The following KIAA1217 variants were observed in gnomAD, a reference collection of about 807,000 sequenced individuals.
The protein encoded by KIAA1217 is KIAA1217, also known as sickle tail protein homolog.
In KIAA1217, 88 loss-of-function variants were observed where a neutral mutation model predicts 163.9. The observed-to-expected ratio is 0.54, with a 90% CI of 0.45 to 0.64. The LOEUF (loss-of-function observed/expected upper bound fraction) is 0.64, where lower values mean the gene tolerates loss of function less well. KIAA1217 is among the 30% of genes least tolerant of loss of function. The probability of loss-of-function intolerance (pLI) is 0.00; values close to 1 mark genes in which losing one functional copy is unlikely to be tolerated. For synonymous variants in KIAA1217, 903 were observed against 923.1 expected (o/e 0.98, Z 0.39); for missense variants, 2,372 against 2,475.0 (o/e 0.96, Z 0.88).
chr10:24,450,240 T>C (rs901938939), intron 5 of KIAA1217, among the ~76,000 whole-genome samples: 4 of 152,236 alleles, frequency 2.6e-5, no homozygotes, highest in Non-Finnish European at 5.9e-5. Flanking sequence ...AATTATTTGG[T>C]GTTTTGTTCT....
chr10:24,542,281 CAG>C (rs1279196055), intron 17 of KIAA1217: 3 of 192,306 alleles, frequency 1.6e-5, no homozygotes, highest in African/African-American at 7.0e-5. Flanking sequence ...TAAAGTAACA[CAG>C]TTTAGTGGCA....
At chr10:24,180,396 C>T (rs2066119051) in intron 2 of KIAA1217, among the ~76,000 whole-genome samples, 1 of 150,580 alleles carries the variant, frequency 6.6e-6, no homozygotes, top group Non-Finnish European at 1.5e-5. Context: ...AAGCAATTCT[C>T]CTGCCTCAGC....
intron 3 of KIAA1217, among the ~76,000 whole-genome samples, chr10:24,416,457 A>C (rs974744976): frequency 6.6e-6 from 1 of 152,196 alleles, no homozygotes; most frequent in Non-Finnish European, 1.5e-5. Flanking sequence ...GACGCTTGGG[A>C]AACACCCCTT....
At chr10:24,471,693 G>A (rs1439420259) in intron 5 of KIAA1217, among the ~76,000 whole-genome samples, 3 of 151,958 alleles carry the variant, frequency 2.0e-5, no homozygotes, top group African/African-American at 7.3e-5. Flanking sequence ...GACTAGCCGG[G>A]CCAACATGGA....
At chr10:24,175,844 C>A (rs1773885015) in intron 2 of KIAA1217, among the ~76,000 whole-genome samples, 2 of 152,236 alleles carry the variant, frequency 1.3e-5, no homozygotes, top group Middle Eastern at 3.4e-3. Context: ...TCATGCCTCC[C>A]AGTGGGTTCA....
intron 2 of KIAA1217, among the ~76,000 whole-genome samples, chr10:24,030,192 T>C (rs1034662612): frequency 7.2e-5 from 11 of 152,204 alleles, no homozygotes; most frequent in African/African-American, 2.7e-4. Flanking sequence ...ATTGTGCAGT[T>C]CTATGGCATT....
At chr10:24,201,773 T>A (rs1589880038) in intron 2 of KIAA1217, among the ~76,000 whole-genome samples, 1 of 152,132 alleles carries the variant, frequency 6.6e-6, no homozygotes, top group South Asian at 2.1e-4. Flanking sequence ...ATACTTAACT[T>A]CTGAAGCACG....
chr10:24,117,500 T>C (rs561476001), intron 2 of KIAA1217, among the ~76,000 whole-genome samples: 77 of 151,980 alleles, frequency 5.1e-4, no homozygotes, highest in African/African-American at 1.9e-3. Context: ...GTGTGGTGAG[T>C]GTGCCTGTAG....
intron 5 of KIAA1217, among the ~76,000 whole-genome samples, chr10:24,451,737 T>TG (rs1485663413): frequency 1.3e-5 from 2 of 152,240 alleles, no homozygotes; most frequent in African/African-American, 4.8e-5. Context: ...CACATCCCTC[T>TG]GCCCTTTGAT....
intron 1 of KIAA1217, among the ~76,000 whole-genome samples, chr10:23,947,676 G>T (rs1459177478): frequency 6.6e-6 from 1 of 151,838 alleles, no homozygotes; most frequent in Non-Finnish European, 1.5e-5. Flanking sequence ...AATAAATATT[G>T]ATTGATTGCC....
At chr10:23,768,876 G>A (rs1008621605) in intron 1 of KIAA1217, among the ~76,000 whole-genome samples, 5 of 152,108 alleles carry the variant, frequency 3.3e-5, no homozygotes, top group Admixed American at 3.3e-4. Context: ...AGATCCACAA[G>A]GAACAACCTC....
At chr10:24,132,630 T>C (rs2063695950) in intron 2 of KIAA1217, among the ~76,000 whole-genome samples, 1 of 152,180 alleles carries the variant, frequency 6.6e-6, no homozygotes, top group Non-Finnish European at 1.5e-5. Flanking sequence ...CTAATAGATA[T>C]GAAATTCCAA....
intron 1 of KIAA1217, among the ~76,000 whole-genome samples, chr10:23,989,652 GT>G (rs1564591538): frequency 1.3e-5 from 2 of 152,076 alleles, no homozygotes; most frequent in African/African-American, 4.8e-5. Context: ...ATATTTTGGG[GT>G]ATCAGTTCCT....
At chr10:23,866,241 C>A (rs1840179317) in intron 1 of KIAA1217, among the ~76,000 whole-genome samples, 1 of 152,072 alleles carries the variant, frequency 6.6e-6, no homozygotes, top group African/African-American at 2.4e-5. Flanking sequence ...TAAACCTTCT[C>A]ATCTCAATGA....
chr10:24,235,012 A>C (rs2072027325), intron 2 of KIAA1217, among the ~76,000 whole-genome samples: 2 of 152,212 alleles, frequency 1.3e-5, no homozygotes, highest in South Asian at 4.1e-4. Flanking sequence ...AGACAGATAC[A>C]TGTTGGAGGG....
At chr10:24,110,399 T>A (rs1202070070) in intron 2 of KIAA1217, among the ~76,000 whole-genome samples, 3 of 152,216 alleles carry the variant, frequency 2.0e-5, no homozygotes, top group African/African-American at 7.2e-5. Flanking sequence ...TGTACTATTA[T>A]ATGCACTATT....
At chr10:24,402,526 A>C (rs1203144527) in intron 3 of KIAA1217, among the ~76,000 whole-genome samples, 3 of 123,452 alleles carry the variant, frequency 2.4e-5, no homozygotes, top group African/African-American at 9.1e-5. Flanking sequence ...CAAAAAACAA[A>C]ACAAAAAAAA....
chr10:23,702,917 G>A (rs1018239900), intron 1 of KIAA1217, among the ~76,000 whole-genome samples: 3 of 151,998 alleles, frequency 2.0e-5, no homozygotes, highest in Non-Finnish European at 2.9e-5. Context: ...TAGTAGAGAC[G>A]GGGTTTCACC....
chr10:24,014,017 C>T (rs1847365144), intron 2 of KIAA1217, among the ~76,000 whole-genome samples: 1 of 152,088 alleles, frequency 6.6e-6, no homozygotes, highest in Admixed American at 6.6e-5. Context: ...AATGTGTGTA[C>T]AATGTCATTT....
Sources: allele counts gnomAD v4.1 joint callset (sites outside exome capture counted in the v4.1 genomes callset), GRCh38; gene constraint gnomAD v4.1.1; transcripts MANE v1.5; gene names NCBI Gene and HGNC (gene_info 2026-07-23, HGNC 2026-07-21).